The following MYH16 variants were observed in gnomAD, a reference collection of about 807,000 sequenced individuals.
MYH16 encodes the protein myosin heavy chain 16.
At chr7:99,270,616 C>T (rs911548641) in intron 18 of MYH16, among the ~76,000 whole-genome samples, 1 of 151,372 alleles carries the variant, frequency 6.6e-6, no homozygotes, top group African/African-American at 2.4e-5. Flanking sequence ...TGCGCCCAGC[C>T]GAAAAAAATT....
chr7:99,298,095 G>C (rs537855823), intron 36 of MYH16, 100 bp downstream of exon 17: 12 of 412,152 alleles, frequency 2.9e-5, no homozygotes, highest in South Asian at 1.9e-4. Flanking sequence ...GTGACGTTGG[G>C]CAATTCAGGT....
chr7:99,297,847 G>A (rs1792525133), intron 35 of MYH16, 45 bp from the exon 17 acceptor site: 1 of 456,712 alleles, frequency 2.2e-6, no homozygotes, highest in Non-Finnish European at 4.4e-6. Context: ...GCCAGGCACT[G>A]CACATCTTCT....
chr7:99,291,295 A>G (rs1584355336), intron 30 of MYH16, 28 bp from the exon 12 acceptor site: 2 of 454,412 alleles, frequency 4.4e-6, no homozygotes, highest in South Asian at 3.1e-5. Flanking sequence ...TCTTCATCCA[A>G]TATTTCTTCC....
intron 2 of MYH16, among the ~76,000 whole-genome samples, chr7:99,244,392 G>T (rs1791704541): frequency 6.6e-6 from 1 of 152,234 alleles, no homozygotes; most frequent in Non-Finnish European, 1.5e-5. Flanking sequence ...ACAGAAAGAT[G>T]ATTTCCTGAA....
intron 33 of MYH16, among the ~76,000 whole-genome samples, chr7:99,295,466 A>G (rs1792469653): frequency 1.3e-5 from 2 of 152,076 alleles, no homozygotes; most frequent in Admixed American, 1.3e-4. Flanking sequence ...TTGCGTGGCT[A>G]ACTATTCCTA....
intron 33 of MYH16, among the ~76,000 whole-genome samples, chr7:99,295,421 C>G (rs1792468898): frequency 6.6e-6 from 1 of 151,966 alleles, no homozygotes; most frequent in Admixed American, 6.6e-5. Flanking sequence ...CTTCCCTGTT[C>G]CCCTCTCTCT....
chr7:99,292,558 G>T, intron 32 of MYH16, 50 bp downstream of exon 13: 2 of 447,010 alleles, frequency 4.5e-6, no homozygotes, highest in Non-Finnish European at 9.1e-6. Context: ...GGCAGGTGGT[G>T]CTGGGGGCCT....
At chr7:99,259,845 A>ATG (rs148747244) in intron 11 of MYH16, among the ~76,000 whole-genome samples, 94,858 of 137,290 alleles carry the variant, frequency 0.69, 36,117 homozygotes, top group Non-Finnish European at 0.85. Flanking sequence ...ATATGTATGT[A>ATG]TGTGTATATA....
intron 2 of MYH16, among the ~76,000 whole-genome samples, chr7:99,246,572 T>C (rs971551379): frequency 6.6e-6 from 1 of 151,986 alleles, no homozygotes; most frequent in Non-Finnish European, 1.5e-5. Context: ...CGTGGTGGCG[T>C]GCACCTGTAG....
intron 15 of MYH16, among the ~76,000 whole-genome samples, chr7:99,264,716 T>C (rs1477995720): frequency 1.3e-5 from 2 of 152,084 alleles, no homozygotes; most frequent in African/African-American, 4.8e-5. Context: ...GGTCACCTCA[T>C]TGGAGATATC....
intron 3 of MYH16, chr7:99,248,989 A>G (rs1266827458): frequency 2.0e-5 from 3 of 152,688 alleles, no homozygotes; most frequent in Non-Finnish European, 4.4e-5. Flanking sequence ...TCTTCCCTAC[A>G]GATCGTGAGA....
At chr7:99,290,355 C>T (rs1195983784) in intron 30 of MYH16, among the ~76,000 whole-genome samples, 4 of 151,084 alleles carry the variant, frequency 2.6e-5, no homozygotes, top group African/African-American at 7.3e-5. Context: ...GGTGTGGTGG[C>T]GCACACTGGT....
At chr7:99,269,710 A>G (rs1048673107) in intron 18 of MYH16, among the ~76,000 whole-genome samples, 1 of 152,090 alleles carries the variant, frequency 6.6e-6, no homozygotes. Context: ...TCGCTTTGCC[A>G]TGTTTCTAAG....
intron 2 of MYH16, among the ~76,000 whole-genome samples, chr7:99,246,475 G>A (rs1476400979): frequency 6.6e-6 from 1 of 152,208 alleles, no homozygotes; most frequent in Non-Finnish European, 1.5e-5. Flanking sequence ...GCTGAGGTGG[G>A]TGGATCCCTT....
intron 21 of MYH16, among the ~76,000 whole-genome samples, chr7:99,278,569 C>A (rs1017064278): frequency 5.3e-5 from 8 of 152,210 alleles, no homozygotes; most frequent in Non-Finnish European, 1.5e-5. Flanking sequence ...ACTCTCACAG[C>A]CGCCCTGTAA....
At chr7:99,258,060 G>C (rs1277279236) in intron 10 of MYH16, 2 of 152,584 alleles carry the variant, frequency 1.3e-5, no homozygotes, top group Admixed American at 6.5e-5. Flanking sequence ...GATGTTGCCA[G>C]GTTTCTCCCA....
intron 12 of MYH16, chr7:99,261,218 C>T (rs1220115578): frequency 1.3e-5 from 2 of 152,188 alleles, no homozygotes; most frequent in Non-Finnish European, 2.9e-5. Flanking sequence ...TCAGTCTTCC[C>T]TTCTGTTGGA....
At chr7:99,279,550 G>A (rs907242699) in exon 22 of MYH16, 2 of 456,620 alleles carry the variant, frequency 4.4e-6, no homozygotes, top group Admixed American at 2.3e-5. Context: ...CGCCTGACAT[G>A]GATGATGAAG....
intron 26 of MYH16, among the ~76,000 whole-genome samples, 178 bp downstream of exon 8, chr7:99,285,113 C>T (rs746733497): frequency 2.6e-5 from 4 of 152,142 alleles, no homozygotes; most frequent in Non-Finnish European, 5.9e-5. Context: ...GGTTATGAGG[C>T]CCTCCAACTG....
Sources: allele counts gnomAD v4.1 joint callset (sites outside exome capture counted in the v4.1 genomes callset), GRCh38; gene constraint gnomAD v4.1.1; transcripts MANE v1.5; gene names NCBI Gene and HGNC (gene_info 2026-07-23, HGNC 2026-07-21).